FAM20C: variants seen among roughly 807,000 people sequenced by gnomAD.
The protein encoded by FAM20C is FAM20C golgi associated secretory pathway kinase, also known as extracellular serine/threonine protein kinase FAM20C.
Under a neutral mutation model 51.5 loss-of-function variants are expected in FAM20C, and 40 were observed. The observed-to-expected ratio is 0.78, with a 90% CI of 0.60 to 1.01. The LOEUF is 1.01. Ranked by LOEUF, FAM20C falls within the 50% of genes least tolerant of loss-of-function variation. The probability of loss-of-function intolerance (pLI) is 0.00; values close to 1 mark genes in which losing one functional copy is unlikely to be tolerated. For missense variants in FAM20C, 861 were observed against 844.7 expected, an observed-to-expected ratio of 1.02 and a Z score of -0.24; for synonymous variants, 406 against 380.6, an observed-to-expected ratio of 1.07 and a Z score of -0.78.
chr7:258,761 G>C (rs1788750388), intron 9 of FAM20C, 56 bp downstream of exon 9: 1 of 1,475,586 alleles, frequency 6.8e-7, no homozygotes, highest in Admixed American at 2.1e-5. Flanking sequence ...CTGCGCAGGA[G>C]ACAGAGGAGG....
intron 5 of FAM20C, among the ~76,000 whole-genome samples, chr7:251,075 G>A (rs1051658975): frequency 5.3e-5 from 8 of 152,282 alleles, no homozygotes; most frequent in African/African-American, 1.7e-4. Flanking sequence ...CAGCATCTCC[G>A]GAACTCCTCA....
chr7:200,879 A>G (rs558311281), intron 2 of FAM20C, among the ~76,000 whole-genome samples: 3 of 152,284 alleles, frequency 2.0e-5, no homozygotes, highest in South Asian at 2.1e-4. Context: ...CTTACCTCGC[A>G]GTAGGTTCCC....
chr7:231,254 G>A (rs1321100649), intron 3 of FAM20C, among the ~76,000 whole-genome samples: 1 of 152,214 alleles, frequency 6.6e-6, no homozygotes, highest in African/African-American at 2.4e-5. Flanking sequence ...GGGCAGAGCA[G>A]GAGCAGCAGC....
Position 197,076 on chromosome 7 carries a change from G to A in FAM20C, c.784+1344G>A, listed in dbSNP as rs191895366. 21 of 166,526 alleles carry A rather than the reference G, an allele frequency of 1.3e-4. 1 individual carries two copies. The highest frequency in any genetic ancestry group is 1.2e-3 in the Admixed American group (19 of 15,302). The allele number at this position is 166,526 out of a possible 1,614,324, so 10.3% of individuals were successfully genotyped here. ...ACGTCCCTTCTGCCCCTGAGAGTGA[G>A]CATGGCCATTAAGGAAATATCCGAT... On this transcript the variant is annotated intron_variant, in intron 2 of 9. Coordinates refer to ENST00000313766, the MANE Select transcript of FAM20C (RefSeq NM_020223.4).
At chr7:219,424 G>A (rs1787151046) in intron 3 of FAM20C, among the ~76,000 whole-genome samples, 1 of 145,130 alleles carries the variant, frequency 6.9e-6, no homozygotes, top group African/African-American at 2.5e-5. Context: ...GCCCAGCCCA[G>A]GACAGCAATG....
intron 2 of FAM20C, among the ~76,000 whole-genome samples, chr7:202,510 G>T (rs1786181952): frequency 7.0e-6 from 1 of 142,130 alleles, no homozygotes; most frequent in African/African-American, 2.7e-5. Context: ...GGGTGAGATT[G>T]CACTGGGGAA....
Position 257,904 on chromosome 7 carries a change from T to TG in FAM20C, c.1446-739dup, listed in dbSNP as rs1318472829. 2.1e-4 allele frequency among the ~76,000 whole-genome samples: 25 copies of TG among 120,400 alleles called. 1 individual carries two copies. Among genetic ancestry groups the TG allele is most frequent in the South Asian group, 1.3e-3 (5 of 3,848 alleles). The allele number at this position is 120,400 out of a possible 152,430, so 79.0% of individuals were successfully genotyped here. ...GACCCACTGCCCAGGATGCTGGAGA[T>TG]GGGCTGGGTGGACACACTGCCTGGG... On this transcript the variant is annotated intron_variant, in intron 8 of 9. Coordinates refer to ENST00000313766, the MANE Select transcript of FAM20C (RefSeq NM_020223.4).
chr7:218,802 G>A (rs1162446512), intron 3 of FAM20C, among the ~76,000 whole-genome samples: 16 of 151,900 alleles, frequency 1.1e-4, no homozygotes, highest in Admixed American at 2.6e-4. Flanking sequence ...GAGCTGACAC[G>A]GGCCCAGGAC....
At chr7:228,538 G>A (rs1048439746) in intron 3 of FAM20C, 2 of 456,226 alleles carry the variant, frequency 4.4e-6, no homozygotes, top group Non-Finnish European at 8.8e-6. Context: ...GGGGGCTGTG[G>A]AGGGTGGAAG....
rs1407914512 is a variant in FAM20C at position 207,250 on chromosome 7, ACACG to A, written c.785-1647_785-1644del. 7.9e-4 allele frequency among the ~76,000 whole-genome samples: 45 copies of A among 56,982 alleles called. 13 individuals are homozygous for A. Among genetic ancestry groups the A allele is most frequent in the Admixed American group, 7.4e-4 (6 of 8,126 alleles). 37.4% of individuals were successfully genotyped at this position (56,982 alleles called of 152,430 possible). On this transcript the variant is annotated intron_variant, in intron 2 of 9. Transcript: ENST00000313766. Reference sequence around the variant, plus strand: ...TCGGTCACTGTCCCCTCGGCCCCGCACACGTGTCCACTGTGACGCGTCGGTCACT... The same window carrying A: ...TCGGTCACTGTCCCCTCGGCCCCGCATGTCCACTGTGACGCGTCGGTCACT...
chr7:230,555 A>G (rs898558803), intron 3 of FAM20C, among the ~76,000 whole-genome samples: 1 of 152,012 alleles, frequency 6.6e-6, no homozygotes. Context: ...CACATGCCTC[A>G]CCCTGGCCGG....
Position 259,847 on chromosome 7 carries a change from C to T in FAM20C, c.1622C>T (p.Pro541Leu), listed in dbSNP as rs763303277. 3.1e-5 allele frequency: 47 copies of T among 1,536,512 alleles called. No individual in the cohort carries two copies. The highest frequency in any genetic ancestry group is 1.9e-4 in the African/African-American group (14 of 73,190). Residue 541 changes from proline (P) to leucine (L), a missense_variant, in exon 10 of 10, where the codon CCG becomes CTG. By Grantham distance (98) the Pro-to-Leu change is moderately conservative. This residue lies in a region of FAM20C where 269 missense variants were observed against 283.8 expected (regional missense o/e 0.95). Coordinates refer to ENST00000313766, the MANE Select transcript of FAM20C (RefSeq NM_020223.4). ...CAGGTGGCACCCGTGCTGTACCAGCCGCACCTGGAGGCCCTGGACCGGCGG... is the reference window on the plus strand; with the variant it reads ...CAGGTGGCACCCGTGCTGTACCAGCTGCACCTGGAGGCCCTGGACCGGCGG... Reference protein sequence around the residue: ...GDQVAPVLYQPHLEALDRRLR... With the variant: ...GDQVAPVLYQLHLEALDRRLR...
intron 3 of FAM20C, among the ~76,000 whole-genome samples, chr7:231,347 G>A (rs529625997): frequency 8.5e-5 from 13 of 152,290 alleles, no homozygotes; most frequent in African/African-American, 3.1e-4. Flanking sequence ...GCATCAGTGG[G>A]GCCCCATGGG....
At chr7:255,095 T>C (rs1201391024) in intron 5 of FAM20C, among the ~76,000 whole-genome samples, 1 of 152,232 alleles carries the variant, frequency 6.6e-6, no homozygotes, top group Non-Finnish European at 1.5e-5. Flanking sequence ...TTCTCTTCTC[T>C]TAGGGGTTTA....
intron 5 of FAM20C, among the ~76,000 whole-genome samples, chr7:250,604 C>G (rs1263395655): frequency 1.3e-5 from 2 of 152,198 alleles, no homozygotes; most frequent in Non-Finnish European, 1.5e-5. Flanking sequence ...CCTCCCCACC[C>G]TGGGAGTCCA....
chr7:193,254 G>T lies in FAM20C; in HGVS notation c.55G>T (p.Val19Leu), dbSNP rs529612835. The T allele has an allele frequency of 1.7e-4, 243 of 1,466,828 alleles. No individual in the cohort carries two copies. The African/African-American group carries it at 2.1e-3, about 13-fold the overall frequency. The allele number at this position is 1,466,828 out of a possible 1,614,324, so 90.9% of individuals were successfully genotyped here. Residue 19 changes from valine (V) to leucine (L), a missense_variant, in exon 1 of 10, where the codon GTG becomes TTG. Around this residue, in one of 3 missense-constraint regions of FAM20C, gnomAD observed 561 missense variants for 499.8 expected, o/e 1.12. Coordinates refer to ENST00000313766, the MANE Select transcript of FAM20C (RefSeq NM_020223.4). ...CGTGCTCATCCTGATGGTGTTCCTG[G>T]TGGCCTGCGCGCTGCACATCGCCCT... Reference protein sequence around the residue: ...FRVLILMVFLVACALHIALDL... With the variant: ...FRVLILMVFLLACALHIALDL...
intron 3 of FAM20C, among the ~76,000 whole-genome samples, chr7:233,997 G>C (rs1787775633): frequency 1.3e-5 from 2 of 152,210 alleles, no homozygotes. Flanking sequence ...GGCAGCTCCT[G>C]GGAACTGGTC....
chr7:223,826 A>C (rs1460302530), intron 3 of FAM20C, among the ~76,000 whole-genome samples: 1 of 151,730 alleles, frequency 6.6e-6, no homozygotes, highest in Non-Finnish European at 1.5e-5. Context: ...TTTGAAGAAC[A>C]ATCCTGAAAT....
At chr7:201,427 G>A (rs537824547) in intron 2 of FAM20C, among the ~76,000 whole-genome samples, 5 of 152,308 alleles carry the variant, frequency 3.3e-5, no homozygotes, top group Admixed American at 2.0e-4. Context: ...CTGCTCCCAC[G>A]AGAAACCAAG....
Sources: gnomAD v4.1 joint callset for allele counts (sites outside exome capture counted in the v4.1 genomes callset) on GRCh38, gnomAD v4.1.1 for gene constraint, gnomAD v4.1.1 regional missense constraint, MANE v1.5 for transcripts, NCBI Gene and HGNC (gene_info 2026-07-23, HGNC 2026-07-21) for gene names.